Variants in SLC4A8 observed in about 807,000 individuals in gnomAD.
The protein encoded by SLC4A8 is electroneutral sodium bicarbonate exchanger 1.
In SLC4A8, 40 loss-of-function variants were observed where a neutral mutation model predicts 125.0. The observed-to-expected ratio is 0.32, with a 90% confidence interval of 0.25 to 0.42. The LOEUF is 0.42. Among genes scored for constraint, SLC4A8 ranks in the 10% least tolerant of loss-of-function variants. The pLI, the probability that SLC4A8 is intolerant of heterozygous loss-of-function variation, is 1.00. For synonymous variants in SLC4A8, 456 were observed against 476.0 expected (o/e 0.96, Z 0.55); for missense variants, 863 against 1,355.1 (o/e 0.64, Z 5.70).
Position 51,495,831 on chromosome 12 carries a change from T to C in SLC4A8, c.2943+713T>C, listed in dbSNP as rs534335654. ...CTAATGTCTTCAAGGTTCATCCATG[T>C]TGTAGCATGTGTCAGAATTTCCTTC... is the stretch of plus-strand genomic sequence containing the variant. On this transcript the variant is annotated intron_variant, in intron 21 of 24. Transcript: ENST00000453097. 2.0e-5 allele frequency among the ~76,000 whole-genome samples: 3 copies of C among 152,322 alleles called. No individual in the cohort carries two copies. In the South Asian group the frequency reaches 6.2e-4, roughly 32 times the overall value.
intron 1 of SLC4A8, among the ~76,000 whole-genome samples, chr12:51,401,142 C>G (rs1948383418): frequency 6.6e-6 from 1 of 152,080 alleles, no homozygotes; most frequent in Non-Finnish European, 1.5e-5. Flanking sequence ...ACGGAGCGTT[C>G]CTCTGTCGCC....
chr12:51,403,891 C>T (rs1368680600), intron 1 of SLC4A8, among the ~76,000 whole-genome samples: 1 of 152,256 alleles, frequency 6.6e-6, no homozygotes, highest in Non-Finnish European at 1.5e-5. Flanking sequence ...TGGGCAGATG[C>T]AAAGCTATAC....
intron 1 of SLC4A8, among the ~76,000 whole-genome samples, chr12:51,408,786 G>A (rs1290273842): frequency 6.6e-6 from 1 of 152,152 alleles, no homozygotes; most frequent in Non-Finnish European, 1.5e-5. Flanking sequence ...CCATTGCTGG[G>A]CCTCTTCCCT....
At chr12:51,464,021 T>C (rs1260561634) in intron 11 of SLC4A8, among the ~76,000 whole-genome samples, 1 of 152,186 alleles carries the variant, frequency 6.6e-6, no homozygotes, top group Non-Finnish European at 1.5e-5. Context: ...ACCCTTAGTC[T>C]CGGTTCTTGT....
chr12:51,400,364 C>T (rs553462894), intron 1 of SLC4A8, among the ~76,000 whole-genome samples: 1 of 152,176 alleles, frequency 6.6e-6, no homozygotes, highest in African/African-American at 2.4e-5. Context: ...TTTAAATCCC[C>T]CACTGTGGTA....
upstream of SLC4A8, chr12:51,424,828 C>G: frequency 2.8e-6 from 2 of 714,130 alleles, no homozygotes; most frequent in South Asian, 1.8e-5. Flanking sequence ...CGGCGGATGC[C>G]TCGCGGGCCG....
chr12:51,402,754 G>C (rs998611835), intron 1 of SLC4A8, among the ~76,000 whole-genome samples: 24 of 152,156 alleles, frequency 1.6e-4, no homozygotes, highest in African/African-American at 5.8e-4. Context: ...AAAGTGGTCA[G>C]GGTAGTTGAC....
At chr12:51,435,504 T>A (rs1193577178) in intron 1 of SLC4A8, among the ~76,000 whole-genome samples, 1 of 152,202 alleles carries the variant, frequency 6.6e-6, no homozygotes, top group Non-Finnish European at 1.5e-5. Flanking sequence ...GCGCCTGTAA[T>A]CCTAGCACTT....
intron 1 of SLC4A8, among the ~76,000 whole-genome samples, chr12:51,403,836 G>A (rs565760797): frequency 7.2e-5 from 11 of 152,376 alleles, no homozygotes; most frequent in African/African-American, 1.9e-4. Flanking sequence ...TACTTTTGCC[G>A]TAGGCAGGGC....
At chr12:51,451,206 C>CCGGGCGGCTGGGACTA (rs1234137079) in intron 3 of SLC4A8, among the ~76,000 whole-genome samples, 184 bp downstream of exon 3, 3 of 152,178 alleles carry the variant, frequency 2.0e-5, no homozygotes, top group Non-Finnish European at 4.4e-5. Flanking sequence ...CTTCACAGTT[C>CCGGGCGGCTGGGACTA]CGGGCGGCTG....
At chr12:51,450,853 A>G in intron 2 of SLC4A8, 23 bp from the exon 3 acceptor site, 2 of 1,613,006 alleles carry the variant, frequency 1.2e-6, no homozygotes, top group South Asian at 2.2e-5. Flanking sequence ...AGTTCTCTCC[A>G]CAGACCTTCT....
intron 19 of SLC4A8, among the ~76,000 whole-genome samples, chr12:51,493,420 G>T (rs1951373055): frequency 6.6e-6 from 1 of 152,070 alleles, no homozygotes; most frequent in Non-Finnish European, 1.5e-5. Context: ...GTGTGTGTGT[G>T]TATGTGTGCC....
At chr12:51,423,419 G>A (rs1234683016), upstream of SLC4A8, among the ~76,000 whole-genome samples, 2 of 152,170 alleles carry the variant, frequency 1.3e-5, no homozygotes, top group African/African-American at 4.8e-5. Context: ...GGTAGGATGT[G>A]AATTCCAGAT....
intron 16 of SLC4A8, 78 bp downstream of exon 16, chr12:51,475,284 A>G: frequency 6.9e-7 from 1 of 1,439,912 alleles, no homozygotes; most frequent in African/African-American, 1.4e-5. Flanking sequence ...CATGCTGCTT[A>G]TGGGGTTGAT....
At position 51,440,753 on chromosome 12, in the gene SLC4A8, A is replaced by G. The variant is rs758292019; in HGVS notation, c.94A>G (p.Ile32Val). ...AVVDQGGTST[I>V]LNIHYEKEEL... is the part of the protein sequence containing the mutation. The stretch of plus-strand genomic sequence containing the variant: ...GGTGGATCAGGGTGGGACCAGTACA[A>G]TTCTCAACATTCACTATGAAAAAGA... The change falls in exon 2 of 25, where the codon ATT (isoleucine) becomes GTT (valine). Residue 32 changes from isoleucine (I) to valine (V), a missense_variant. By Grantham distance (29) the Ile-to-Val change is conservative (BLOSUM62 3). Around this residue, in one of 6 missense-constraint regions of SLC4A8, gnomAD observed 104 missense variants for 116.4 expected, o/e 0.89. Coordinates refer to ENST00000453097, the MANE Select transcript of SLC4A8 (RefSeq NM_001039960.3). 5 of 1,608,602 alleles carry G rather than the reference A, an allele frequency of 3.1e-6. No homozygotes were observed. Among genetic ancestry groups the G allele is most frequent in the South Asian group, 2.2e-5 (2 of 90,118 alleles).
chr12:51,426,941 CTTTT>C (rs555144134), intron 1 of SLC4A8, among the ~76,000 whole-genome samples: 1 of 131,352 alleles, frequency 7.6e-6, no homozygotes. Context: ...TTTTTCTTTT[CTTTT>C]TTTTTTTTTT....
At chr12:51,487,747 C>G (rs555376413) in intron 17 of SLC4A8, among the ~76,000 whole-genome samples, 1 of 152,176 alleles carries the variant, frequency 6.6e-6, no homozygotes, top group African/African-American at 2.4e-5. Flanking sequence ...CAACTTTAGC[C>G]GTCTTAGGCT....
intron 6 of SLC4A8, among the ~76,000 whole-genome samples, chr12:51,457,884 A>C (rs1299720072): frequency 6.6e-6 from 1 of 152,212 alleles, no homozygotes; most frequent in Non-Finnish European, 1.5e-5. Flanking sequence ...ATCTTAGATT[A>C]GGGAGGCAAA....
rs768246968 is a variant in SLC4A8, at chr12:51,471,467, G to A, written c.1839G>A (p.Leu613=). 3.3e-5 allele frequency: 54 copies of A among 1,614,048 alleles called. No homozygotes were observed. Among genetic ancestry groups the A allele is most frequent in the Non-Finnish European group, 4.5e-5 (53 of 1,180,022 alleles). ...TCATCTATGAAGCAATAGAAAAACT[G>A]ATTCACCTGGCAGAGACCTACCCCA... The part of the protein sequence containing the change: ...IIFIYEAIEK[L]IHLAETYPIH... Residue 613 remains leucine, a synonymous_variant, in exon 14 of 25, where the codon CTG becomes CTA. Coordinates refer to ENST00000453097, the MANE Select transcript of SLC4A8 (RefSeq NM_001039960.3).
Sources: gnomAD v4.1 joint callset for allele counts (sites outside exome capture counted in the v4.1 genomes callset) on GRCh38, gnomAD v4.1.1 for gene constraint, gnomAD v4.1.1 regional missense constraint, MANE v1.5 for transcripts, NCBI Gene and HGNC (gene_info 2026-07-23, HGNC 2026-07-21) for gene names.